The following BAZ1B variants were observed in gnomAD, a reference collection of about 807,000 sequenced individuals.
BAZ1B encodes tyrosine-protein kinase BAZ1B.
BAZ1B carries 22 observed loss-of-function variants against 153.8 expected under a neutral mutation model. The observed-to-expected ratio is 0.14, with a 90% CI of 0.10 to 0.20. The LOEUF is 0.20. Among genes scored for constraint, BAZ1B ranks in the 10% least tolerant of loss-of-function variants. The pLI is 1.00. For missense variants in BAZ1B, 1,325 were observed against 1,799.3 expected, an observed-to-expected ratio of 0.74 and a Z score of 4.77; for synonymous variants, 676 against 633.4, an observed-to-expected ratio of 1.07 and a Z score of -1.01.
intron 2 of BAZ1B, among the ~76,000 whole-genome samples, chr7:73,510,426 CA>C (rs1563402647): frequency 1.3e-5 from 2 of 151,930 alleles, no homozygotes; most frequent in South Asian, 4.2e-4. Flanking sequence ...GATTCCGTCT[CA>C]AAAAAAGAAA....
chr7:73,475,743 G>A (rs529907888), intron 7 of BAZ1B, among the ~76,000 whole-genome samples: 10 of 151,992 alleles, frequency 6.6e-5, no homozygotes, highest in African/African-American at 1.9e-4. Flanking sequence ...TGGCCAACAC[G>A]GTGAAACCCC....
intron 9 of BAZ1B, among the ~76,000 whole-genome samples, chr7:73,467,948 T>C (rs1167330146): frequency 2.6e-5 from 4 of 152,222 alleles, no homozygotes; most frequent in Admixed American, 2.6e-4. Context: ...ATGCTCGATA[T>C]AATTCAACAT....
chr7:73,465,631 T>C, intron 10 of BAZ1B, 94 bp from the exon 11 acceptor site: 1 of 721,908 alleles, frequency 1.4e-6, no homozygotes, highest in Non-Finnish European at 2.3e-6. Context: ...TGGTGGGACT[T>C]GGGAGAACAG....
intron 8 of BAZ1B, 35 bp from the exon 9 acceptor site, chr7:73,469,685 A>C (rs1554571718): frequency 6.2e-7 from 1 of 1,610,464 alleles, no homozygotes; most frequent in Non-Finnish European, 8.5e-7. Flanking sequence ...AAGACAGTGA[A>C]TAGATCAGGA....
chr7:73,446,044 G>T (rs1787823990), intron 16 of BAZ1B, among the ~76,000 whole-genome samples: 1 of 152,178 alleles, frequency 6.6e-6, no homozygotes, highest in South Asian at 2.1e-4. Flanking sequence ...GAGAGCTTAA[G>T]GTGTCCCACA....
At chr7:73,443,048 G>A (rs1203740344) in intron 17 of BAZ1B, among the ~76,000 whole-genome samples, 3 of 152,206 alleles carry the variant, frequency 2.0e-5, no homozygotes, top group Non-Finnish European at 4.4e-5. Flanking sequence ...CCGGGGCCAC[G>A]GCAATCAAAG....
chr7:73,511,030 G>T (rs1554578501), intron 1 of BAZ1B, among the ~76,000 whole-genome samples, 178 bp from the exon 2 acceptor site: 2 of 152,160 alleles, frequency 1.3e-5, no homozygotes, highest in Non-Finnish European at 2.9e-5. Context: ...CCAGCACTTT[G>T]GGAGGCCGAG....
chr7:73,464,841 T>C (rs1462639796), intron 11 of BAZ1B, among the ~76,000 whole-genome samples: 2 of 152,080 alleles, frequency 1.3e-5, no homozygotes, highest in African/African-American at 4.8e-5. Context: ...TCAACTCAGC[T>C]CAGCCTCCCA....
At chr7:73,467,192 C>G (rs1455230058) in intron 9 of BAZ1B, among the ~76,000 whole-genome samples, 1 of 151,896 alleles carries the variant, frequency 6.6e-6, no homozygotes, top group African/African-American at 2.4e-5. Context: ...CTTGGCCTCC[C>G]AAGTGCTGGG....
rs1554572931 is a variant in BAZ1B at position 73,477,189 on chromosome 7, T to A, written c.2272A>T (p.Met758Leu). 1.2e-6 allele frequency: 2 copies of A among 1,614,136 alleles called. No homozygotes were observed. Among genetic ancestry groups the A allele is most frequent in the South Asian group, 1.1e-5 (1 of 91,094 alleles). The change falls in exon 7 of 20, where the codon ATG (methionine) becomes TTG (leucine). Residue 758 changes from methionine to leucine, a missense_variant. Met to Leu is a conservative substitution (Grantham distance 15). Transcript: ENST00000339594. This position sits in a 1 kb window ranked among gnomAD's most constrained non-coding sequence, Gnocchi z 5.6. ...ATGTGGTCTTGCACTGAGTATGTCA[T>A]GAGGATCCGGTGGCACAGTGCTGTC... ...ILTALCHRIL[M>L]TYSVQDHMET...
In BAZ1B at chr7:73,478,098, G is replaced by A; in HGVS notation, c.1363C>T (p.Arg455Trp). 5 of 1,614,198 alleles carry A rather than the reference G, an allele frequency of 3.1e-6. No homozygotes were observed. Among genetic ancestry groups the A allele is most frequent in the South Asian group, 1.1e-5 (1 of 91,086 alleles). Residue 455 changes from arginine to tryptophan, a missense_variant, in exon 7 of 20, where the codon CGG becomes TGG. By Grantham distance (101) the Arg-to-Trp change is moderately radical. Around this residue, in one of 9 missense-constraint regions of BAZ1B, gnomAD observed 219 missense variants for 248.2 expected, o/e 0.88. Transcript: ENST00000339594. ...GTCCTAGGTGTACCCCCAGAATTCCGTGGGGCTCGTGTCATCTTCTGCGTG... is the reference window on the plus strand; with the variant it reads ...GTCCTAGGTGTACCCCCAGAATTCCATGGGGCTCGTGTCATCTTCTGCGTG... ...KGTQKMTRAP[R>W]NSGGTPRTSS...
intron 6 of BAZ1B, among the ~76,000 whole-genome samples, chr7:73,483,523 A>G (rs373047165): frequency 6.6e-6 from 1 of 152,208 alleles, no homozygotes; most frequent in Non-Finnish European, 1.5e-5. Context: ...ATATATTTAA[A>G]GTGTTCTCAA....
chr7:73,485,281 T>C (rs1303926262), intron 6 of BAZ1B, among the ~76,000 whole-genome samples: 4 of 152,114 alleles, frequency 2.6e-5, no homozygotes, highest in Non-Finnish European at 5.9e-5. Flanking sequence ...GGGCATCCTG[T>C]CTGGAAAATT....
intron 7 of BAZ1B, among the ~76,000 whole-genome samples, chr7:73,475,182 G>A (rs1788951343): frequency 6.6e-6 from 1 of 152,160 alleles, no homozygotes; most frequent in Non-Finnish European, 1.5e-5. Flanking sequence ...TTCTCAGATG[G>A]TTAAACATAA....
In BAZ1B at chr7:73,444,084, G is replaced by A. The variant is rs782329361; in HGVS notation, c.3890C>T (p.Pro1297Leu). 1 of 1,612,632 alleles carries A rather than the reference G, an allele frequency of 6.2e-7. No individual in the cohort carries two copies. The highest frequency in any genetic ancestry group is 8.5e-7 in the Non-Finnish European group (1 of 1,179,402). The change falls in exon 17 of 20, where the codon CCT (proline) becomes CTT (leucine). Residue 1297 changes from proline to leucine, a missense_variant. Physicochemically the swap from Pro to Leu is moderately conservative, Grantham distance 98. Coordinates refer to ENST00000339594, the MANE Select transcript of BAZ1B (RefSeq NM_032408.4). The stretch of plus-strand genomic sequence containing the variant: ...CGGGCGCCGGCCTGACCTTGCTGCA[G>A]GGGGGATGACGCTGTGCTTGCCCCG... ...TIRGKHSVIP[P>L]AARSGRRPGK...
chr7:73,460,254 C>A (rs1788350810), intron 12 of BAZ1B, among the ~76,000 whole-genome samples: 2 of 150,716 alleles, frequency 1.3e-5, no homozygotes, highest in African/African-American at 4.9e-5. Context: ...GCTAAGGGAT[C>A]CACTAAATGG....
chr7:73,473,514 T>C (rs540682108), intron 7 of BAZ1B, among the ~76,000 whole-genome samples: 7 of 152,052 alleles, frequency 4.6e-5, no homozygotes, highest in Admixed American at 6.5e-5. Flanking sequence ...GATCGCACCA[T>C]TGCACTCCAG....
At chr7:73,470,248 A>G in intron 8 of BAZ1B, 97 bp downstream of exon 8, 1 of 1,283,654 alleles carries the variant, frequency 7.8e-7, no homozygotes, top group Non-Finnish European at 1.1e-6. Context: ...AAAACTGAAG[A>G]GAGAAGCTTG....
intron 6 of BAZ1B, among the ~76,000 whole-genome samples, chr7:73,486,140 G>A (rs531101864): frequency 7.9e-5 from 12 of 152,208 alleles, no homozygotes; most frequent in Non-Finnish European, 1.6e-4. Flanking sequence ...AACGTTACAA[G>A]ATATAAAATA....
Sources: allele counts gnomAD v4.1 joint callset (sites outside exome capture counted in the v4.1 genomes callset), GRCh38; gene constraint gnomAD v4.1.1; regional missense constraint gnomAD v4.1.1; non-coding constraint Gnocchi (gnomAD v3.1); transcripts MANE v1.5; gene names NCBI Gene and HGNC (gene_info 2026-07-23, HGNC 2026-07-21).